The following KCNK10 variants were observed in gnomAD, a reference collection of about 807,000 sequenced individuals.
KCNK10 encodes the protein potassium two pore domain channel subfamily K member 10.
Under a neutral mutation model 47.7 loss-of-function variants are expected in KCNK10, and 25 were observed. The observed-to-expected ratio is 0.52, with a 90% CI of 0.38 to 0.73. The LOEUF (loss-of-function observed/expected upper bound fraction) is 0.73. KCNK10 is among the 30% of genes least tolerant of loss of function. The pLI is 0.00. For missense variants in KCNK10, 563 were observed against 714.5 expected, an observed-to-expected ratio of 0.79 and a Z score of 2.42; for synonymous variants, 303 against 285.6, an observed-to-expected ratio of 1.06 and a Z score of -0.61.
intron 1 of KCNK10, among the ~76,000 whole-genome samples, chr14:88,303,213 A>C (rs1209966429): frequency 6.6e-6 from 1 of 152,240 alleles, no homozygotes; most frequent in African/African-American, 2.4e-5. Context: ...TGAAACACCC[A>C]AGCCAAGCCT....
chr14:88,256,889 T>C (rs143872103), intron 2 of KCNK10, among the ~76,000 whole-genome samples: 61 of 152,222 alleles, frequency 4.0e-4, no homozygotes, highest in African/African-American at 1.4e-3. Context: ...GTCTAACAGG[T>C]AGACACCGTG....
chr14:88,270,896 A>C lies in KCNK10; in HGVS notation c.53-7345T>G, dbSNP rs373698918. On this transcript the variant is annotated intron_variant, in intron 1 of 6. Transcript: ENST00000319231. ...GCCACCAACATTCAGAGTAAAGTGC[A>C]GGCTCCATGCCTTGCTCCCTGACTC... The C allele has an allele frequency of 1.5e-4, 115 of 769,564 alleles. No individual in the cohort carries two copies. The East Asian group carries it at 2.3e-3, about 15-fold the overall frequency. The allele number at this position is 769,564 out of a possible 1,614,324, so 47.7% of individuals were successfully genotyped here.
chr14:88,298,795 G>A lies in KCNK10; in HGVS notation c.52+23952C>T, dbSNP rs571358008. ...TGATCATCTGTGAAAATAAATCCAT[G>A]TTCAACCTAGCATGTAAGGTATCCA... On this transcript the variant is annotated intron_variant, in intron 1 of 6. Coordinates refer to ENST00000319231, the MANE Select transcript of KCNK10 (RefSeq NM_138317.3). Among the ~76,000 whole-genome samples, 10 of 152,242 alleles carry A rather than the reference G, an allele frequency of 6.6e-5. No homozygotes were observed. The South Asian group carries it at 1.9e-3, about 28-fold the overall frequency.
At chr14:88,223,308 C>CT (rs77234836) in intron 4 of KCNK10, among the ~76,000 whole-genome samples, 22,687 of 134,912 alleles carry the variant, frequency 0.17, 1,866 homozygotes, top group East Asian at 0.29. Context: ...CTTTAAAAAC[C>CT]TTTTTTTTTT....
intron 4 of KCNK10, among the ~76,000 whole-genome samples, chr14:88,222,965 T>G (rs765754250): frequency 8.5e-5 from 13 of 152,318 alleles, no homozygotes; most frequent in Non-Finnish European, 1.8e-4. Context: ...GGGTTCAAAT[T>G]CTTAACCCAT....
intron 4 of KCNK10, among the ~76,000 whole-genome samples, chr14:88,215,351 C>G (rs1279417667): frequency 1.3e-5 from 2 of 152,082 alleles, no homozygotes; most frequent in Non-Finnish European, 2.9e-5. Context: ...GGAGAGAGAA[C>G]GAGTGTCAAG....
At chr14:88,323,345 G>A (rs1252727625), upstream of KCNK10, 37 of 959,618 alleles carry the variant, frequency 3.9e-5, no homozygotes, top group Non-Finnish European at 4.2e-5. Context: ...CGCCCCCGGC[G>A]ACGCCCCCCA....
chr14:88,283,439 T>C (rs576494622), intron 1 of KCNK10, among the ~76,000 whole-genome samples: 63 of 152,366 alleles, frequency 4.1e-4, no homozygotes, highest in African/African-American at 1.3e-3. Context: ...GACTGAGACC[T>C]TGAGCCTGAA....
rs886161673 is a variant in KCNK10 at position 88,256,962 on chromosome 14, A to T, written c.402+6240T>A. On this transcript the variant is annotated intron_variant, in intron 2 of 6. Transcript: ENST00000319231. ...GGGCAACATGATATTTGCCCAATTCACTCAGCTCATTAAGTGGTATAGGAT... is the reference window on the plus strand; with the variant it reads ...GGGCAACATGATATTTGCCCAATTCTCTCAGCTCATTAAGTGGTATAGGAT... Among the ~76,000 whole-genome samples, 2 of 152,042 alleles carry T rather than the reference A, an allele frequency of 1.3e-5. 1 individual carries two copies. Among genetic ancestry groups the T allele is most frequent in the East Asian group, 3.9e-4 (2 of 5,172 alleles).
intron 1 of KCNK10, among the ~76,000 whole-genome samples, chr14:88,272,213 G>A (rs1020817834): frequency 6.6e-6 from 1 of 152,182 alleles, no homozygotes; most frequent in Non-Finnish European, 1.5e-5. Context: ...GTTGCTCAAT[G>A]CCTTGTTCAA....
rs144490234 is a variant in KCNK10 at position 88,185,482 on chromosome 14, A to AACAC, written c.*49_*52dup. Reference sequence around the variant, plus strand: ...CACATGTCTCAGTGTGAATATTAAAAACACACACACACACACACACAACGC... The same window carrying AACAC: ...CACATGTCTCAGTGTGAATATTAAAAACACACACACACACACACACACACAACGC... On this transcript the variant is annotated 3_prime_UTR_variant, in exon 7 of 7. Transcript: ENST00000319231. This position sits in a 1 kb window ranked among gnomAD's most constrained non-coding sequence, Gnocchi z 4.3. 4,465 of 1,419,512 alleles carry AACAC rather than the reference A, an allele frequency of 3.1e-3. 1 individual carries two copies. Among genetic ancestry groups the AACAC allele is most frequent in the Admixed American group, 4.2e-3 (203 of 47,770 alleles). The allele number at this position is 1,419,512 out of a possible 1,614,324, so 87.9% of individuals were successfully genotyped here. A position where few individuals can be genotyped will look rare whatever the true frequency, so the allele number is the denominator to read the frequency against.
chr14:88,311,905 G>C (rs934941027), intron 1 of KCNK10, among the ~76,000 whole-genome samples: 1 of 152,216 alleles, frequency 6.6e-6, no homozygotes, highest in South Asian at 2.1e-4. Flanking sequence ...GAACCAGAAG[G>C]GGGGCACAGT....
intron 1 of KCNK10, among the ~76,000 whole-genome samples, chr14:88,292,020 C>G (rs1887890186): frequency 6.6e-6 from 1 of 152,184 alleles, no homozygotes; most frequent in Admixed American, 6.5e-5. Context: ...AGGGCATCAT[C>G]CATGTCTGTA....
intron 1 of KCNK10, among the ~76,000 whole-genome samples, chr14:88,293,802 A>C (rs1887929264): frequency 6.6e-6 from 1 of 152,018 alleles, no homozygotes; most frequent in Non-Finnish European, 1.5e-5. Context: ...CAGTCTCCCA[A>C]GCAGCTGGGA....
intron 2 of KCNK10, among the ~76,000 whole-genome samples, chr14:88,256,639 A>G (rs576333582): frequency 7.9e-5 from 12 of 152,250 alleles, no homozygotes; most frequent in South Asian, 2.1e-4. Flanking sequence ...GACTTCTGTG[A>G]TGGGCACTCT....
chr14:88,286,122 C>T (rs4904443), intron 1 of KCNK10, among the ~76,000 whole-genome samples: 49,391 of 151,602 alleles, frequency 0.33, 8,249 homozygotes, highest in East Asian at 0.43. Context: ...CAGCCAAGAG[C>T]CAGAATCAAC....
chr14:88,317,985 A>T (rs1888463516), intron 1 of KCNK10, among the ~76,000 whole-genome samples: 1 of 152,194 alleles, frequency 6.6e-6, no homozygotes, highest in Admixed American at 6.5e-5. Context: ...GACACTGACC[A>T]TATCTTCAGC....
At chr14:88,321,266 G>A (rs1389366764) in intron 1 of KCNK10, among the ~76,000 whole-genome samples, 1 of 152,094 alleles carries the variant, frequency 6.6e-6, no homozygotes, top group East Asian at 1.9e-4. Flanking sequence ...ACATCCTCCA[G>A]GCCTAAGTCC....
intron 1 of KCNK10, among the ~76,000 whole-genome samples, chr14:88,264,413 T>A (rs1392687894): frequency 6.6e-6 from 1 of 152,238 alleles, no homozygotes; most frequent in Non-Finnish European, 1.5e-5. Context: ...ATTCCAACTC[T>A]TATTATAGTC....
Sources: gnomAD v4.1 joint callset for allele counts (sites outside exome capture counted in the v4.1 genomes callset) on GRCh38, gnomAD v4.1.1 for gene constraint, Gnocchi (gnomAD v3.1) non-coding constraint, MANE v1.5 for transcripts, NCBI Gene and HGNC (gene_info 2026-07-23, HGNC 2026-07-21) for gene names.